The following CDH13 variants were observed in gnomAD, a reference collection of about 807,000 sequenced individuals.
CDH13 encodes the protein cadherin 13, also known as cadherin-13.
A neutral mutation model predicts 63.8 loss-of-function variants in CDH13; 24 were observed. The observed-to-expected ratio is 0.38, with a 90% CI of 0.27 to 0.53. The LOEUF is 0.53. CDH13 is among the 20% of genes least tolerant of loss of function. The pLI, the probability that CDH13 is intolerant of heterozygous loss-of-function variation, is 0.85. For missense variants in CDH13, 1,049 were observed against 903.1 expected (o/e 1.16, Z -2.07); for synonymous variants, 503 against 355.3 (o/e 1.42, Z -4.67).
At chr16:82,856,592 C>A (rs1391538985) in intron 1 of CDH13, among the ~76,000 whole-genome samples, 1 of 139,358 alleles carries the variant, frequency 7.2e-6, no homozygotes, top group Non-Finnish European at 1.5e-5. Context: ...GTCTCAGCTA[C>A]TTGGGAGGCT....
chr16:83,261,705 CTT>C (rs34277110), intron 5 of CDH13, among the ~76,000 whole-genome samples: 57 of 144,506 alleles, frequency 3.9e-4, no homozygotes, highest in Non-Finnish European at 3.2e-4. Context: ...TTATTTTCCT[CTT>C]TTTTTTTTTT....
intron 8 of CDH13, among the ~76,000 whole-genome samples, chr16:83,608,800 G>A (rs1908595236): frequency 6.6e-6 from 1 of 151,656 alleles, no homozygotes; most frequent in Non-Finnish European, 1.5e-5. Context: ...GAGCCACTGT[G>A]CCCAGCCAGT....
intron 1 of CDH13, among the ~76,000 whole-genome samples, chr16:82,718,531 G>T (rs930076567): frequency 6.6e-6 from 1 of 152,160 alleles, no homozygotes; most frequent in Non-Finnish European, 1.5e-5. Flanking sequence ...TGAGGTAGGT[G>T]GGGCACAGTG....
At chr16:83,674,111 A>G (rs1384412840) in intron 9 of CDH13, among the ~76,000 whole-genome samples, 1 of 152,184 alleles carries the variant, frequency 6.6e-6, no homozygotes, top group African/African-American at 2.4e-5. Flanking sequence ...CCACTGTGCC[A>G]GCCACTGGTG....
At chr16:82,627,288 G>A in intron 1 of CDH13, 151 bp downstream of exon 1, 1 of 700,128 alleles carries the variant, frequency 1.4e-6, no homozygotes, top group Non-Finnish European at 2.5e-6. Context: ...GTCATTCCGA[G>A]CCCAGAGATC....
At chr16:82,752,577 C>T in intron 1 of CDH13, among the ~76,000 whole-genome samples, 1 of 152,316 alleles carries the variant, frequency 6.6e-6, no homozygotes, top group Non-Finnish European at 1.5e-5. Context: ...ATGTCCAATT[C>T]TCAGTTGTGA....
chr16:83,164,826 A>AGTGT (rs200065508), intron 4 of CDH13, among the ~76,000 whole-genome samples: 1 of 143,814 alleles, frequency 7.0e-6, no homozygotes, highest in South Asian at 2.2e-4. Context: ...AAATACTAAC[A>AGTGT]GTGTGTATAT....
At chr16:83,280,762 G>C (rs1424355722) in intron 5 of CDH13, among the ~76,000 whole-genome samples, 1 of 152,180 alleles carries the variant, frequency 6.6e-6, no homozygotes, top group Non-Finnish European at 1.5e-5. Context: ...TGATCCATGA[G>C]TTGAAAAATA....
chr16:83,147,976 C>G (rs1458366276), intron 4 of CDH13, among the ~76,000 whole-genome samples: 2 of 152,168 alleles, frequency 1.3e-5, no homozygotes, highest in Non-Finnish European at 2.9e-5. Context: ...CTCTGTTGCC[C>G]AGGCTGGAGT....
chr16:83,605,884 A>C (rs1050311110), intron 8 of CDH13, among the ~76,000 whole-genome samples: 3 of 152,192 alleles, frequency 2.0e-5, no homozygotes, highest in African/African-American at 7.2e-5. Flanking sequence ...GTTCTAGGGG[A>C]GAAGCAATTC....
chr16:82,851,254 T>C (rs905286543), intron 1 of CDH13, among the ~76,000 whole-genome samples: 5 of 151,812 alleles, frequency 3.3e-5, no homozygotes, highest in African/African-American at 1.2e-4. Context: ...GCCAACATGG[T>C]GAAACCCCGT....
chr16:83,014,150 A>G (rs1914442181), intron 2 of CDH13, among the ~76,000 whole-genome samples: 1 of 152,064 alleles, frequency 6.6e-6, no homozygotes, highest in Admixed American at 6.6e-5. Flanking sequence ...ACACACAAAA[A>G]AAGGAAATAG....
intron 5 of CDH13, among the ~76,000 whole-genome samples, chr16:83,275,878 C>T (rs1342927158): frequency 1.3e-5 from 2 of 152,128 alleles, no homozygotes; most frequent in African/African-American, 4.8e-5. Flanking sequence ...ATGAAAACTG[C>T]CCTGAAGAGC....
intron 4 of CDH13, among the ~76,000 whole-genome samples, chr16:83,192,096 C>A (rs1484897966): frequency 6.6e-6 from 1 of 152,194 alleles, no homozygotes; most frequent in African/African-American, 2.4e-5. Flanking sequence ...GTTATTTATA[C>A]CACCTGGCAC....
chr16:83,358,303 C>T (rs2091095826), intron 6 of CDH13, among the ~76,000 whole-genome samples: 1 of 152,134 alleles, frequency 6.6e-6, no homozygotes, highest in African/African-American at 2.4e-5. Context: ...TCTCCTCCTA[C>T]CACCTATTTC....
intron 2 of CDH13, among the ~76,000 whole-genome samples, chr16:82,955,154 G>A (rs930098541): frequency 6.6e-5 from 10 of 152,054 alleles, no homozygotes; most frequent in Admixed American, 2.0e-4. Flanking sequence ...CTAGGTTATC[G>A]GCAACTCTAT....
At chr16:83,694,262 C>G (rs995916965) in intron 10 of CDH13, among the ~76,000 whole-genome samples, 2 of 152,134 alleles carry the variant, frequency 1.3e-5, no homozygotes, top group Non-Finnish European at 2.9e-5. Context: ...CTGTGTTCAC[C>G]CCCACATCAC....
intron 1 of CDH13, among the ~76,000 whole-genome samples, chr16:82,714,590 T>A (rs1297784932): frequency 3.3e-5 from 5 of 151,164 alleles, no homozygotes; most frequent in Non-Finnish European, 1.5e-5. Context: ...GGCATACACC[T>A]GTAGTTTCAG....
intron 2 of CDH13, among the ~76,000 whole-genome samples, chr16:82,917,921 A>AT (rs2042040473): frequency 6.9e-6 from 1 of 145,642 alleles, no homozygotes; most frequent in Non-Finnish European, 1.6e-5. Context: ...TGTCAAAAAA[A>AT]AAAAAAAAAA....
Sources: gnomAD v4.1 joint callset for allele counts (sites outside exome capture counted in the v4.1 genomes callset) on GRCh38, gnomAD v4.1.1 for gene constraint, MANE v1.5 for transcripts, NCBI Gene and HGNC (gene_info 2026-07-23, HGNC 2026-07-21) for gene names.